Variants in ADGRL2 observed in about 807,000 individuals in gnomAD.
ADGRL2 encodes the protein adhesion G protein-coupled receptor L2.
Under a neutral mutation model 157.4 loss-of-function variants are expected in ADGRL2, and 44 were observed. That is an observed-to-expected ratio of 0.28 (90% CI 0.22 to 0.36). The LOEUF is 0.36. Ranked by LOEUF, ADGRL2 falls within the 10% of genes least tolerant of loss-of-function variation. The probability of loss-of-function intolerance (pLI) is 1.00; values close to 1 mark genes in which losing one functional copy is unlikely to be tolerated. For synonymous variants in ADGRL2, 585 were observed against 624.7 expected, an observed-to-expected ratio of 0.94 and a Z score of 0.95; for missense variants, 1,510 against 1,768.9, an observed-to-expected ratio of 0.85 and a Z score of 2.63.
intron 19 of ADGRL2, among the ~76,000 whole-genome samples, chr1:81,982,430 A>G (rs1661932627): frequency 6.6e-6 from 1 of 151,910 alleles, no homozygotes; most frequent in African/African-American, 2.4e-5. Context: ...AAAAATCAAT[A>G]ATTAGTACCT....
chr1:81,499,896 A>C (rs1364379435), intron 2 of ADGRL2, among the ~76,000 whole-genome samples: 1 of 152,168 alleles, frequency 6.6e-6, no homozygotes, highest in South Asian at 2.1e-4. Flanking sequence ...TTATATGTAC[A>C]TATGTGTATA....
intron 3 of ADGRL2, among the ~76,000 whole-genome samples, chr1:81,643,213 G>A (rs964082142): frequency 4.6e-5 from 7 of 152,172 alleles, no homozygotes; most frequent in South Asian, 4.1e-4. Context: ...AAGACTTCCC[G>A]GGACTAATAA....
intron 1 of ADGRL2, among the ~76,000 whole-genome samples, chr1:81,373,683 A>G (rs2076198471): frequency 1.3e-5 from 2 of 152,258 alleles, no homozygotes; most frequent in Non-Finnish European, 1.5e-5. Context: ...GGATGAATGA[A>G]TGAATATACA....
intron 2 of ADGRL2, among the ~76,000 whole-genome samples, chr1:81,790,193 A>G (rs1408686655): frequency 6.6e-6 from 1 of 152,134 alleles, no homozygotes; most frequent in African/African-American, 2.4e-5. Context: ...AGTTTTTCTG[A>G]ATTCAATAAT....
At chr1:81,962,536 G>T (rs1173123369) in intron 11 of ADGRL2, among the ~76,000 whole-genome samples, 1 of 152,068 alleles carries the variant, frequency 6.6e-6, no homozygotes, top group Non-Finnish European at 1.5e-5. Flanking sequence ...TTGGTATCTT[G>T]TTTAAGAAAT....
chr1:81,891,091 T>A (rs1195751309), intron 2 of ADGRL2, among the ~76,000 whole-genome samples: 1 of 152,036 alleles, frequency 6.6e-6, no homozygotes, highest in Non-Finnish European at 1.5e-5. Flanking sequence ...CCCCCATGCA[T>A]GTATATAGAA....
chr1:81,933,052 T>G (rs1348768557), intron 3 of ADGRL2, among the ~76,000 whole-genome samples: 2 of 152,146 alleles, frequency 1.3e-5, no homozygotes, highest in Non-Finnish European at 2.9e-5. Flanking sequence ...GCTGTTGGTA[T>G]GAGGACCACA....
At chr1:81,811,123 A>G (rs1036786310) in intron 1 of ADGRL2, among the ~76,000 whole-genome samples, 2 of 151,864 alleles carry the variant, frequency 1.3e-5, no homozygotes, top group Non-Finnish European at 2.9e-5. Flanking sequence ...ATGAAACAAA[A>G]TTTGATTACT....
intron 2 of ADGRL2, chr1:81,503,075 C>T (rs2078890578): frequency 2.5e-6 from 4 of 1,609,228 alleles, no homozygotes; most frequent in Non-Finnish European, 3.4e-6. Context: ...CGGCTGGAGT[C>T]AGGGGAGCCT....
At chr1:81,398,074 T>C (rs954830280) in intron 1 of ADGRL2, among the ~76,000 whole-genome samples, 2 of 152,228 alleles carry the variant, frequency 1.3e-5, no homozygotes, top group African/African-American at 4.8e-5. Context: ...CTTCTTTGTC[T>C]CTTTTTACAG....
chr1:81,957,436 T>C (rs1194595003), intron 11 of ADGRL2, among the ~76,000 whole-genome samples: 2 of 152,214 alleles, frequency 1.3e-5, no homozygotes, highest in Admixed American at 1.3e-4. Flanking sequence ...CAGTGGCTCA[T>C]GCCTATAATC....
intron 2 of ADGRL2, among the ~76,000 whole-genome samples, chr1:81,536,377 C>T (rs989879774): frequency 1.8e-4 from 27 of 152,038 alleles, no homozygotes; most frequent in Non-Finnish European, 3.1e-4. Context: ...TGTGAACAAT[C>T]GTTGCACATT....
chr1:81,489,356 A>G (rs1195683515), intron 2 of ADGRL2, among the ~76,000 whole-genome samples: 1 of 152,170 alleles, frequency 6.6e-6, no homozygotes, highest in Non-Finnish European at 1.5e-5. Flanking sequence ...TCAGAGGCAC[A>G]TTTGAGCAGA....
chr1:81,312,526 T>C (rs1255392703), intron 1 of ADGRL2, among the ~76,000 whole-genome samples: 1 of 152,156 alleles, frequency 6.6e-6, no homozygotes, highest in African/African-American at 2.4e-5. Context: ...TTCCTCCAAA[T>C]ATTCGGGGTA....
At chr1:81,515,698 T>C (rs1049074732) in intron 2 of ADGRL2, among the ~76,000 whole-genome samples, 37 of 152,312 alleles carry the variant, frequency 2.4e-4, no homozygotes, top group Non-Finnish European at 4.4e-4. Context: ...TTCCGAAGCC[T>C]CACTTTCTAA....
At chr1:81,701,803 A>T (rs763376625) in intron 1 of ADGRL2, among the ~76,000 whole-genome samples, 4 of 152,228 alleles carry the variant, frequency 2.6e-5, no homozygotes, top group Non-Finnish European at 4.4e-5. Flanking sequence ...GATGTACTAT[A>T]GTAAGCCAGA....
chr1:81,330,309 G>A (rs1404995679), intron 1 of ADGRL2, among the ~76,000 whole-genome samples: 1 of 152,070 alleles, frequency 6.6e-6, no homozygotes, highest in African/African-American at 2.4e-5. Flanking sequence ...ACATGTCACT[G>A]AATGAAACAC....
upstream of ADGRL2, among the ~76,000 whole-genome samples, chr1:81,800,093 T>A (rs530582352): frequency 2.0e-5 from 3 of 152,256 alleles, no homozygotes; most frequent in Non-Finnish European, 2.9e-5. Flanking sequence ...GCAGTTTCAA[T>A]GTAAGGAAAT....
At chr1:81,483,815 A>G (rs569493103) in intron 2 of ADGRL2, among the ~76,000 whole-genome samples, 1 of 152,228 alleles carries the variant, frequency 6.6e-6, no homozygotes, top group East Asian at 1.9e-4. Context: ...AATGGAAGAC[A>G]TATGTTTAAC....
Sources: gnomAD v4.1 joint callset for allele counts (sites outside exome capture counted in the v4.1 genomes callset) on GRCh38, gnomAD v4.1.1 for gene constraint, MANE v1.5 for transcripts, NCBI Gene and HGNC (gene_info 2026-07-23, HGNC 2026-07-21) for gene names.